The following TULP4 variants were observed in gnomAD, a reference collection of about 807,000 sequenced individuals.
The protein encoded by TULP4 is TUB like protein 4, also known as tubby-related protein 4.
In TULP4, 16 loss-of-function variants were observed where a neutral mutation model predicts 129.0. The ratio of observed to expected loss-of-function variants is 0.12; its 90% CI spans 0.08 to 0.19. The LOEUF (loss-of-function observed/expected upper bound fraction) is 0.19. Among genes scored for constraint, TULP4 ranks in the 10% least tolerant of loss-of-function variants. The pLI is 1.00. For missense variants in TULP4, 1,842 were observed against 2,059.1 expected (o/e 0.89, Z 2.04); for synonymous variants, 998 against 854.0 (o/e 1.17, Z -2.94).
intron 5 of TULP4, among the ~76,000 whole-genome samples, chr6:158,457,233 G>A (rs76768610): frequency 0.015 from 2,244 of 152,270 alleles, 24 homozygotes; most frequent in Non-Finnish European, 0.019. Flanking sequence ...CTTTGGCAGC[G>A]AAGGAAGGTA....
intron 4 of TULP4, among the ~76,000 whole-genome samples, chr6:158,451,763 T>A (rs544211353): frequency 6.6e-6 from 1 of 152,380 alleles, no homozygotes; most frequent in Admixed American, 6.5e-5. Context: ...AATGTTTTTA[T>A]CCCTCCTCCT....
At position 158,452,268 on chromosome 6, in the gene TULP4, G is replaced by A. The variant is rs774477796; in HGVS notation, c.859G>A (p.Glu287Lys). ...CACGGTCATCCGCTCAGGGCTGAAA[G>A]GTACAGAATGCTGCACACACCCCAA... ...SPTVIRSGLK[E>K]VVAQWCTQGD... Residue 287 changes from glutamate to lysine, a missense_variant and splice_region_variant, in exon 5 of 14, where the codon GAG (glutamate) becomes AAG (lysine). Physicochemically the swap from Glu to Lys is moderately conservative, Grantham distance 56. This residue lies in a region of TULP4 where 456 missense variants were observed against 534.3 expected (regional missense o/e 0.85). Coordinates refer to ENST00000367097, the MANE Select transcript of TULP4 (RefSeq NM_020245.5). 1 of 1,613,904 alleles carries A rather than the reference G, an allele frequency of 6.2e-7. No individual in the cohort carries two copies. The highest frequency in any genetic ancestry group is 8.5e-7 in the Non-Finnish European group (1 of 1,179,920).
At chr6:158,337,701 C>T (rs1475786215) in intron 1 of TULP4, among the ~76,000 whole-genome samples, 1 of 152,138 alleles carries the variant, frequency 6.6e-6, no homozygotes. Context: ...GTGTCAAGTG[C>T]ACTGGATACC....
chr6:158,448,002 T>G (rs1380817696), intron 3 of TULP4, among the ~76,000 whole-genome samples: 2 of 152,060 alleles, frequency 1.3e-5, no homozygotes, highest in Non-Finnish European at 2.9e-5. Context: ...TCGGTGGAGG[T>G]CCTGCTGCCC....
At chr6:158,366,200 G>T (rs1258351902) in intron 1 of TULP4, among the ~76,000 whole-genome samples, 2 of 152,154 alleles carry the variant, frequency 1.3e-5, no homozygotes, top group African/African-American at 4.8e-5. Context: ...ACCGCGCCTG[G>T]CCGTCAGTCT....
intron 1 of TULP4, among the ~76,000 whole-genome samples, chr6:158,322,968 A>C (rs544871741): frequency 2.0e-5 from 3 of 152,244 alleles, no homozygotes; most frequent in South Asian, 2.1e-4. Flanking sequence ...AGGATTTAGC[A>C]CGTTTAGCGC....
intron 5 of TULP4, among the ~76,000 whole-genome samples, chr6:158,460,751 C>T (rs1340817145): frequency 6.6e-5 from 10 of 152,094 alleles, no homozygotes; most frequent in Non-Finnish European, 1.5e-5. Flanking sequence ...CCAGTAGTGC[C>T]CAGAAATCAA....
intron 1 of TULP4, among the ~76,000 whole-genome samples, chr6:158,289,918 A>G (rs1258735072): frequency 6.6e-6 from 1 of 152,080 alleles, no homozygotes; most frequent in African/African-American, 2.4e-5. Context: ...TTCTTTCAAA[A>G]TACCACCTTT....
At chr6:158,452,311 G>A (rs367753598) in intron 5 of TULP4, 43 bp downstream of exon 5, 73 of 1,605,350 alleles carry the variant, frequency 4.5e-5, no homozygotes, top group African/African-American at 2.7e-4. Flanking sequence ...GACCGGGCCT[G>A]TGTGTGCTTG....
chr6:158,332,169 C>CAAAAAAAAAAA (rs1169601263), intron 1 of TULP4, among the ~76,000 whole-genome samples: 2 of 65,330 alleles, frequency 3.1e-5, no homozygotes, highest in African/African-American at 8.7e-5. Context: ...AAGACTCTGT[C>CAAAAAAAAAAA]AAAAAAAAAA....
At chr6:158,325,841 C>T (rs1483378095) in intron 1 of TULP4, among the ~76,000 whole-genome samples, 2 of 152,274 alleles carry the variant, frequency 1.3e-5, no homozygotes, top group East Asian at 3.9e-4. Flanking sequence ...AATAGTTATA[C>T]ATATTGGTAA....
At chr6:158,458,379 A>G (rs1229311395) in intron 5 of TULP4, among the ~76,000 whole-genome samples, 1 of 152,146 alleles carries the variant, frequency 6.6e-6, no homozygotes, top group African/African-American at 2.4e-5. Context: ...CACACCCCCC[A>G]AAATCATTGA....
chr6:158,503,152 G>C lies in TULP4; in HGVS notation c.3489G>C (p.Val1163=), dbSNP rs199706918. 7.0e-5 allele frequency: 113 copies of C among 1,613,530 alleles called. No homozygotes were observed. The East Asian group carries it at 1.6e-3, about 23-fold the overall frequency. ...LMLSQGQHLD[V]SRLPFISPKS... ...TGAGTCAGGGCCAGCACCTGGACGTGTCCCGACTGCCCTTCATCTCCCCCA... is the reference window on the plus strand; with the variant it reads ...TGAGTCAGGGCCAGCACCTGGACGTCTCCCGACTGCCCTTCATCTCCCCCA... The change falls in exon 13 of 14, where the codon GTG becomes GTC. Residue 1163 remains valine, a synonymous_variant. Coordinates refer to ENST00000367097, the MANE Select transcript of TULP4 (RefSeq NM_020245.5). The surrounding 1 kb of genome is among the most constrained non-coding windows in gnomAD (Gnocchi z 4.3).
At position 158,314,163 on chromosome 6, in the gene TULP4, C is replaced by T. The variant is rs1452256679; in HGVS notation, c.147C>T (p.Gly49=). The change falls in exon 1 of 14, where the codon GGC becomes GGT. Residue 49 remains glycine, a synonymous_variant. Transcript: ENST00000367097. ...ATGAGGAAGGCTGGCTGGCCACGGG[C>T]AACGGGCGAGGAGTGGTTGGGGTGA... ...RYYEEGWLAT[G]NGRGVVGVTF... 3 of 1,614,138 alleles carry T rather than the reference C, an allele frequency of 1.9e-6. No homozygotes were observed. The highest frequency in any genetic ancestry group is 4.5e-5 in the East Asian group (2 of 44,880).
intron 8 of TULP4, among the ~76,000 whole-genome samples, chr6:158,482,858 AC>A (rs1230941172): frequency 3.3e-5 from 5 of 152,170 alleles, no homozygotes; most frequent in Non-Finnish European, 7.4e-5. Flanking sequence ...GCTGTGGAGT[AC>A]CCAAGGACTG....
intron 9 of TULP4, among the ~76,000 whole-genome samples, chr6:158,492,072 A>T (rs555795251): frequency 2.6e-5 from 4 of 152,004 alleles, no homozygotes; most frequent in African/African-American, 9.7e-5. Flanking sequence ...ATTGGCCAGG[A>T]TGGTCTCAAA....
In TULP4 at chr6:158,289,561, A is replaced by T. The variant is rs563990398; in HGVS notation, n.116+7183A>T. 1.4e-4 allele frequency among the ~76,000 whole-genome samples: 21 copies of T among 152,218 alleles called. No individual in the cohort carries two copies. The East Asian group carries it at 4.1e-3, about 29-fold the overall frequency. On this transcript the variant is annotated intron_variant and non_coding_transcript_variant, in intron 1 of 1. Transcript: ENST00000432358. ...TTATAACAGTTTCTTCTTTTATAAC[A>T]TAAGTTGTTGTTGTTGTTTTGTTTT...
intron 6 of TULP4, among the ~76,000 whole-genome samples, chr6:158,472,729 A>G (rs575351624): frequency 1.3e-5 from 2 of 152,336 alleles, no homozygotes; most frequent in Admixed American, 6.5e-5. Context: ...TGCGTACAAA[A>G]CCATTGCCTG....
chr6:158,500,098 C>T (rs561779295), intron 12 of TULP4, among the ~76,000 whole-genome samples: 1 of 152,206 alleles, frequency 6.6e-6, no homozygotes, highest in Non-Finnish European at 1.5e-5. Flanking sequence ...TTTCCCTGTT[C>T]TCCCAAAATG....
Sources: allele counts gnomAD v4.1 joint callset (sites outside exome capture counted in the v4.1 genomes callset), GRCh38; gene constraint gnomAD v4.1.1; regional missense constraint gnomAD v4.1.1; non-coding constraint Gnocchi (gnomAD v3.1); transcripts MANE v1.5; gene names NCBI Gene and HGNC (gene_info 2026-07-23, HGNC 2026-07-21).